The following XIRP2 variants were observed in gnomAD, a reference collection of about 807,000 sequenced individuals.
XIRP2 encodes xin actin binding repeat containing 2, also known as xin actin-binding repeat-containing protein 2.
Under a neutral mutation model 277.0 loss-of-function variants are expected in XIRP2, and 236 were observed. The ratio of observed to expected loss-of-function variants is 0.85; its 90% confidence interval spans 0.77 to 0.95. The LOEUF (loss-of-function observed/expected upper bound fraction) is 0.95, where lower values mean the gene tolerates loss of function less well. Ranked by LOEUF, XIRP2 falls within the 40% of genes least tolerant of loss-of-function variation. The pLI is 0.00. For synonymous variants in XIRP2, 1,490 were observed against 1,416.5 expected (o/e 1.05, Z -1.17); for missense variants, 4,640 against 4,157.5 (o/e 1.12, Z -3.19).
In XIRP2 at chr2:167,028,211, A is replaced by C. The variant is rs113109082; in HGVS notation, c.409-107698A>C. Among the ~76,000 whole-genome samples, 115 of 152,186 alleles carry C rather than the reference A, an allele frequency of 7.6e-4. 1 individual carries two copies. Among genetic ancestry groups the C allele is most frequent in the African/African-American group, 2.7e-3 (113 of 41,546 alleles). On this transcript the variant is annotated intron_variant, in intron 2 of 10. Coordinates refer to ENST00000409195, the MANE Select transcript of XIRP2 (RefSeq NM_152381.6). ...ATTGTATTAAGCAGTTTATTTGCAA[A>C]ATTTCTTTTATTTCTCACAATAATC...
At chr2:167,008,995 G>A (rs1687583362) in intron 2 of XIRP2, among the ~76,000 whole-genome samples, 1 of 151,038 alleles carries the variant, frequency 6.6e-6, no homozygotes, top group African/African-American at 2.4e-5. Context: ...AATATTTTAA[G>A]AGATTAATTT....
At chr2:167,155,634 A>G (rs1336198438) in intron 3 of XIRP2, among the ~76,000 whole-genome samples, 1 of 152,130 alleles carries the variant, frequency 6.6e-6, no homozygotes, top group South Asian at 2.1e-4. Flanking sequence ...ACCCACAGCC[A>G]ATATCATACT....
chr2:167,019,672 G>C (rs984592014), intron 2 of XIRP2, among the ~76,000 whole-genome samples: 1 of 152,074 alleles, frequency 6.6e-6, no homozygotes, highest in South Asian at 2.1e-4. Flanking sequence ...AAGTGGCAAT[G>C]TGGTAAAAAG....
intron 5 of XIRP2, among the ~76,000 whole-genome samples, chr2:167,224,917 T>C (rs1163600714): frequency 2.0e-5 from 3 of 152,208 alleles, no homozygotes; most frequent in African/African-American, 7.2e-5. Flanking sequence ...AAAGATTAGC[T>C]TGAAATGAGC....
At chr2:167,190,939 C>T (rs1035228826) in intron 3 of XIRP2, among the ~76,000 whole-genome samples, 5 of 152,014 alleles carry the variant, frequency 3.3e-5, no homozygotes, top group Admixed American at 1.3e-4. Flanking sequence ...TGGTGGCTCA[C>T]GCCTGTAACC....
rs374752339 is a variant in XIRP2, at chr2:167,195,270, A to T, written c.563-15465A>T. On this transcript the variant is annotated intron_variant, in intron 3 of 10. Transcript: ENST00000409195. ...ATGTCAACATCATATTACTTCAAAAAACTGAATTCTTCAACCATCTCAACC... is the reference window on the plus strand; with the variant it reads ...ATGTCAACATCATATTACTTCAAAATACTGAATTCTTCAACCATCTCAACC... 3.3e-5 allele frequency among the ~76,000 whole-genome samples: 5 copies of T among 152,308 alleles called. No individual in the cohort carries two copies. The East Asian group carries it at 5.8e-4, about 18-fold the overall frequency.
chr2:167,245,529 T>G lies in XIRP2; in HGVS notation c.4137T>G (p.Ile1379Met). 3 of 1,613,588 alleles carry G rather than the reference T, an allele frequency of 1.9e-6. No homozygotes were observed. Among genetic ancestry groups the G allele is most frequent in the East Asian group, 2.2e-5 (1 of 44,838 alleles). The change falls in exon 9 of 11, where the codon ATT becomes ATG. Residue 1379 changes from isoleucine to methionine, a missense_variant. By Grantham distance (10) the Ile-to-Met change is conservative. Transcript: ENST00000409195. ...YVIKSVTQED[I>M]QKGDVSSVRY... is the part of the protein sequence containing the mutation. ...TTAAATCTGTCACACAAGAAGACAT[T>G]CAGAAGGGAGATGTTAGTTCTGTCA...
intron 3 of XIRP2, among the ~76,000 whole-genome samples, chr2:167,139,606 A>G (rs1691653014): frequency 6.6e-6 from 1 of 152,152 alleles, no homozygotes; most frequent in Admixed American, 6.5e-5. Context: ...TCAGTTTTCT[A>G]CTGCTCTTTA....
Position 167,248,590 on chromosome 2 carries a change from G to A in XIRP2, c.7198G>A (p.Glu2400Lys). ...GDFMQQYSQK[E>K]ASNSQNSQAK... ...CTTCATGCAACAATATTCCCAAAAA[G>A]AAGCCTCGAACTCTCAGAATTCTCA... Residue 2400 changes from glutamate (E) to lysine (K), a missense_variant, in exon 9 of 11, where the codon GAA (glutamate) becomes AAA (lysine). Transcript: ENST00000409195. 6.2e-7 allele frequency: 1 copy of A among 1,613,720 alleles called. No homozygotes were observed. The highest frequency in any genetic ancestry group is 8.5e-7 in the Non-Finnish European group (1 of 1,179,820).
At chr2:167,220,535 T>G (rs1447158297) in intron 5 of XIRP2, among the ~76,000 whole-genome samples, 2 of 152,214 alleles carry the variant, frequency 1.3e-5, no homozygotes, top group Non-Finnish European at 2.9e-5. Context: ...TTATCAGATT[T>G]CTTCTTCTTA....
At chr2:167,110,046 T>TAA (rs141312395) in intron 2 of XIRP2, among the ~76,000 whole-genome samples, 13,375 of 152,270 alleles carry the variant, frequency 0.088, 622 homozygotes, top group South Asian at 0.16. Flanking sequence ...TAAATTTGTT[T>TAA]AAGTTCCTTG....
At chr2:166,956,191 C>T (rs111686950) in intron 2 of XIRP2, among the ~76,000 whole-genome samples, 2,706 of 151,834 alleles carry the variant, frequency 0.018, 77 homozygotes, top group African/African-American at 0.062. Flanking sequence ...AACAAGCGTG[C>T]GTCGATCAAT....
At chr2:166,983,875 G>C (rs558801453) in intron 2 of XIRP2, among the ~76,000 whole-genome samples, 1 of 152,116 alleles carries the variant, frequency 6.6e-6, no homozygotes, top group African/African-American at 2.4e-5. Flanking sequence ...TGACAGTCTG[G>C]TGCTAATTAT....
chr2:167,084,658 G>T (rs1378332985), intron 2 of XIRP2, among the ~76,000 whole-genome samples: 4 of 151,906 alleles, frequency 2.6e-5, no homozygotes, highest in African/African-American at 9.7e-5. Context: ...CTTCTTCCTG[G>T]TTTAGTCTTG....
At chr2:167,034,675 G>T (rs1220345434) in intron 2 of XIRP2, among the ~76,000 whole-genome samples, 1 of 152,132 alleles carries the variant, frequency 6.6e-6, no homozygotes, top group Non-Finnish European at 1.5e-5. Flanking sequence ...GACAAAAACT[G>T]TTAGAAGAGA....
At chr2:166,950,625 G>A (rs974894667) in intron 2 of XIRP2, among the ~76,000 whole-genome samples, 1 of 152,022 alleles carries the variant, frequency 6.6e-6, no homozygotes, top group Non-Finnish European at 1.5e-5. Flanking sequence ...TACACTACAA[G>A]CAATTTCTCT....
At chr2:167,141,963 C>G (rs150289195) in intron 3 of XIRP2, among the ~76,000 whole-genome samples, 2 of 152,052 alleles carry the variant, frequency 1.3e-5, no homozygotes, top group Non-Finnish European at 2.9e-5. Flanking sequence ...GATCCCAGGC[C>G]CCCTAGTTGG....
intron 2 of XIRP2, among the ~76,000 whole-genome samples, chr2:167,002,820 A>C (rs1418262840): frequency 6.6e-6 from 1 of 151,986 alleles, no homozygotes; most frequent in Non-Finnish European, 1.5e-5. Flanking sequence ...GAAAAGAAAG[A>C]TGATAATGTT....
intron 2 of XIRP2, among the ~76,000 whole-genome samples, chr2:166,911,867 GA>G (rs1276416159): frequency 6.6e-6 from 1 of 152,062 alleles, no homozygotes; most frequent in Non-Finnish European, 1.5e-5. Flanking sequence ...CTTCACTTAT[GA>G]AGCTTAGTTT....
Sources: gnomAD v4.1 joint callset for allele counts (sites outside exome capture counted in the v4.1 genomes callset) on GRCh38, gnomAD v4.1.1 for gene constraint, MANE v1.5 for transcripts, NCBI Gene and HGNC (gene_info 2026-07-23, HGNC 2026-07-21) for gene names.